Variants in UBR4 observed in about 807,000 individuals in gnomAD.
UBR4 encodes ubiquitin protein ligase E3 component n-recognin 4, also known as E3 ubiquitin-protein ligase UBR4.
A neutral mutation model predicts 575.6 loss-of-function variants in UBR4; 124 were observed. That is an observed-to-expected ratio of 0.22 (90% CI 0.19 to 0.25). The LOEUF (loss-of-function observed/expected upper bound fraction) is 0.25. Ranked by LOEUF, UBR4 falls within the 10% of genes least tolerant of loss-of-function variation. The pLI is 1.00. For synonymous variants in UBR4, 2,455 were observed against 2,473.7 expected, an observed-to-expected ratio of 0.99 and a Z score of 0.22; for missense variants, 4,818 against 6,478.8, an observed-to-expected ratio of 0.74 and a Z score of 8.80.
intron 88 of UBR4, 109 bp downstream of exon 88, chr1:19,101,411 G>A: frequency 7.2e-7 from 1 of 1,388,754 alleles, no homozygotes; most frequent in South Asian, 1.8e-5. Flanking sequence ...TGACTAAGTG[G>A]CCCACAGCTG....
Position 19,172,945 on chromosome 1 carries a change from T to A in UBR4, c.3440A>T (p.Asp1147Val). 1 of 1,614,136 alleles carries A rather than the reference T, an allele frequency of 6.2e-7. No homozygotes were observed. ...EHFSKMAAET[D>V]PHKSSEITKN... ...GGTAATCTCAGACGACTTATGAGGATCAGTCTCAGCAGCCATCTTAGAAAA... is the reference window on the plus strand; with the variant it reads ...GGTAATCTCAGACGACTTATGAGGAACAGTCTCAGCAGCCATCTTAGAAAA... Residue 1147 changes from aspartate to valine, a missense_variant, in exon 25 of 106, where the codon GAT (aspartate) becomes GTT (valine). By Grantham distance (152) the Asp-to-Val change is radical. Around this residue, in one of 29 missense-constraint regions of UBR4, gnomAD observed 1,172 missense variants for 1,259.7 expected, o/e 0.93. Coordinates refer to ENST00000375254, the MANE Select transcript of UBR4 (RefSeq NM_020765.3).
chr1:19,131,617 T>C, intron 60 of UBR4, among the ~76,000 whole-genome samples: 1 of 152,322 alleles, frequency 6.6e-6, no homozygotes, highest in Admixed American at 6.5e-5. Context: ...CTCATGCCTG[T>C]AATCCTAGCA....
In UBR4 at chr1:19,121,338, T is replaced by C. The variant is rs1218515081; in HGVS notation, c.9992A>G (p.Lys3331Arg). ...QLLSCALCGSKVLAALAASSG... is the reference protein window; with the variant it reads ...QLLSCALCGSRVLAALAASSG... ...AGAGGCTGCCAGTGCAGCGAGCACC[T>C]TGCTGCCGCACAGAGCACAGGAGAG... The change falls in exon 68 of 106, where the codon AAG becomes AGG. Residue 3331 changes from lysine to arginine, a missense_variant. Lys to Arg is a conservative substitution (Grantham distance 26). Around this residue, in one of 29 missense-constraint regions of UBR4, gnomAD observed 550 missense variants for 791.5 expected, o/e 0.69. Transcript: ENST00000375254. 2 of 1,614,174 alleles carry C rather than the reference T, an allele frequency of 1.2e-6. No homozygotes were observed. Among genetic ancestry groups the C allele is most frequent in the Middle Eastern group, 1.7e-4 (1 of 6,060 alleles).
chr1:19,112,760 C>T lies in UBR4; in HGVS notation c.11565G>A (p.Gln3855=). Residue 3855 remains glutamine, a synonymous_variant, in exon 78 of 106, where the codon CAG becomes CAA. Coordinates refer to ENST00000375254, the MANE Select transcript of UBR4 (RefSeq NM_020765.3). ...AGCCCAGGACGGATAAGGCACGGTA[C>T]TGGCTGGCAGTGAATGTGGGCTGCA... ...TSVQPTFTAS[Q]YRALSVLGCG... is the part of the protein sequence containing the mutation. 1 of 1,614,218 alleles carries T rather than the reference C, an allele frequency of 6.2e-7. No individual in the cohort carries two copies. The highest frequency in any genetic ancestry group is 8.5e-7 in the Non-Finnish European group (1 of 1,180,030).
chr1:19,156,404 A>C lies in UBR4; in HGVS notation c.5939T>G (p.Phe1980Cys), dbSNP rs1191741324. 6.2e-7 allele frequency: 1 copy of C among 1,614,172 alleles called. No homozygotes were observed. The highest frequency in any genetic ancestry group is 1.7e-5 in the Admixed American group (1 of 60,030). The change falls in exon 42 of 106, where the codon TTT becomes TGT. Residue 1980 changes from phenylalanine (F) to cysteine (C), a missense_variant. Phe to Cys is a radical substitution (Grantham distance 205). Coordinates refer to ENST00000375254, the MANE Select transcript of UBR4 (RefSeq NM_020765.3). The stretch of plus-strand genomic sequence containing the variant: ...ATCCGAAACAGAGCCTGAGCTACTA[A>C]AGGTGAGCACATGACAGTCCTGGAC... ...CGLKDCHVLT[F>C]SSSGSVSDHL...
At chr1:19,078,220 G>T in intron 103 of UBR4, 154 bp from the exon 104 acceptor site, 1 of 695,076 alleles carries the variant, frequency 1.4e-6, no homozygotes, top group Non-Finnish European at 2.4e-6. Flanking sequence ...AAGCAGCTGT[G>T]GGCAAGAACC....
At position 19,167,104 on chromosome 1, in the gene UBR4, A is replaced by G; in HGVS notation, c.4027T>C (p.Ser1343Pro). 1.9e-6 allele frequency: 3 copies of G among 1,614,168 alleles called. No individual in the cohort carries two copies. The highest frequency in any genetic ancestry group is 2.5e-6 in the Non-Finnish European group (3 of 1,180,040). ...SLERILGPAE[S>P]DEFLARVYEK... is the part of the protein sequence containing the mutation. Reference sequence around the variant, plus strand: ...TAAACACGAGCCAAGAACTCATCAGACTCAGCAGGGCCCAAGATGCGTTCC... The same window carrying G: ...TAAACACGAGCCAAGAACTCATCAGGCTCAGCAGGGCCCAAGATGCGTTCC... Residue 1343 changes from serine to proline, a missense_variant, in exon 29 of 106, where the codon TCT (serine) becomes CCT (proline). Transcript: ENST00000375254.
chr1:19,114,675 C>T (rs2080283088), intron 75 of UBR4, 136 bp downstream of exon 75: 1 of 1,143,666 alleles, frequency 8.7e-7, no homozygotes, highest in Admixed American at 2.4e-5. Flanking sequence ...TGCTCCCACC[C>T]AAAAGCTGGG....
At chr1:19,132,644 A>G (rs1343252450) in intron 60 of UBR4, among the ~76,000 whole-genome samples, 1 of 149,692 alleles carries the variant, frequency 6.7e-6, no homozygotes, top group Non-Finnish European at 1.5e-5. Flanking sequence ...AAGAAAGGAA[A>G]TAATAAAAAG....
chr1:19,155,553 A>T lies in UBR4; in HGVS notation c.6188T>A (p.Ile2063Lys). ...FNEEGKNIIVIMSSAGYIYTQ... is the reference protein window; with the variant it reads ...FNEEGKNIIVKMSSAGYIYTQ... ...ATAGATGTACCCAGCCGAAGACATT[A>T]TAACAATGATGTTCTTTCCCTCCTC... Residue 2063 changes from isoleucine (I) to lysine (K), a missense_variant, in exon 43 of 106, where the codon ATA becomes AAA. Around this residue, in one of 29 missense-constraint regions of UBR4, gnomAD observed 461 missense variants for 606.9 expected, o/e 0.76. Coordinates refer to ENST00000375254, the MANE Select transcript of UBR4 (RefSeq NM_020765.3). The T allele has an allele frequency of 6.2e-7, 1 of 1,614,214 alleles. No homozygotes were observed. The highest frequency in any genetic ancestry group is 2.2e-5 in the East Asian group (1 of 44,888).
rs746734026 is a variant in UBR4, at chr1:19,167,084, A to G, written c.4047T>C (p.Arg1349=). The G allele has an allele frequency of 6.8e-6, 11 of 1,614,042 alleles. No homozygotes were observed. Among genetic ancestry groups the G allele is most frequent in the African/African-American group, 2.7e-5 (2 of 74,914 alleles). ...AACCAGTGATCAGCTTCTCATAAACACGAGCCAAGAACTCATCAGACTCAG... is the reference window on the plus strand; with the variant it reads ...AACCAGTGATCAGCTTCTCATAAACGCGAGCCAAGAACTCATCAGACTCAG... ...GPAESDEFLA[R]VYEKLITGCY... The change falls in exon 29 of 106, where the codon CGT becomes CGC. Residue 1349 remains arginine (R), a synonymous_variant. Transcript: ENST00000375254.
At chr1:19,191,323 T>C (rs1310751607) in intron 11 of UBR4, among the ~76,000 whole-genome samples, 1 of 151,924 alleles carries the variant, frequency 6.6e-6, no homozygotes, top group East Asian at 1.9e-4. Flanking sequence ...ATACAAAAAT[T>C]AGCTGGGTGT....
chr1:19,124,639 C>A lies in UBR4; in HGVS notation c.9490G>T (p.Val3164Leu). 6.2e-7 allele frequency: 1 copy of A among 1,614,174 alleles called. No homozygotes were observed. Among genetic ancestry groups the A allele is most frequent in the South Asian group, 1.1e-5 (1 of 91,084 alleles). The change falls in exon 65 of 106, where the codon GTA (valine) becomes TTA (leucine). Residue 3164 changes from valine to leucine, a missense_variant. By Grantham distance (32) the Val-to-Leu change is conservative. Transcript: ENST00000375254. ...TTGATTTGGTAAGGAAGCCTCAGTA[C>A]CATTTCTGTTAGAAGCTGAGTATAG... is the stretch of plus-strand genomic sequence containing the variant. The part of the protein sequence containing the change: ...EAYTQLLTEM[V>L]LRLPYQIKKI...
At chr1:19,201,517 A>C (rs1242584127) in intron 2 of UBR4, among the ~76,000 whole-genome samples, 1 of 152,232 alleles carries the variant, frequency 6.6e-6, no homozygotes, top group Non-Finnish European at 1.5e-5. Context: ...AAGTAGTTTT[A>C]AAATTCCACT....
In UBR4 at chr1:19,197,232, T is replaced by C. The variant is rs746964929; in HGVS notation, c.927A>G (p.Ala309=). 8.1e-6 allele frequency: 13 copies of C among 1,614,184 alleles called. No homozygotes were observed. The South Asian group carries it at 1.4e-4, about 18-fold the overall frequency. Residue 309 remains alanine, a synonymous_variant, in exon 8 of 106, where the codon GCA becomes GCG. Transcript: ENST00000375254. ...ACACAGGTAGAGAAAGGGTATCCAA[T>C]GCCATAGTTACATCAATCACCAATG... is the stretch of plus-strand genomic sequence containing the variant. ...FHSLVIDVTM[A]LDTLSLPVLE...
Position 19,118,919 on chromosome 1 carries a change from C to T in UBR4, c.10494G>A (p.Arg3498=), listed in dbSNP as rs767824639. 1.2e-6 allele frequency: 2 copies of T among 1,614,056 alleles called. No homozygotes were observed. The highest frequency in any genetic ancestry group is 2.7e-5 in the African/African-American group (2 of 74,936). The change falls in exon 71 of 106, where the codon CGG becomes CGA. Residue 3498 remains arginine, a synonymous_variant. Transcript: ENST00000375254. The stretch of plus-strand genomic sequence containing the variant: ...GGTTGGTAAGAATATGGTTTTGAGT[C>T]CGCAGAATCTCCACAGCCTTCTGTG... The part of the protein sequence containing the change: ...EYSQKAVEIL[R]TQNHILTNHP...
In UBR4 at chr1:19,177,476, C is replaced by G; in HGVS notation, c.2622G>C (p.Val874=). 1 of 1,614,062 alleles carries G rather than the reference C, an allele frequency of 6.2e-7. No individual in the cohort carries two copies. ...TGGTCTGTACCTGCTCAAATAGATA[C>G]ACAGGGGCTTTGGAGTACTGATGAA... ...YLLHQYSKAP[V]YLFEQVQHNL... Residue 874 remains valine (V), a synonymous_variant, in exon 19 of 106, where the codon GTG becomes GTC. Transcript: ENST00000375254.
chr1:19,168,965 G>A (rs1012298112), intron 27 of UBR4, among the ~76,000 whole-genome samples: 2 of 139,184 alleles, frequency 1.4e-5, no homozygotes, highest in South Asian at 2.4e-4. Context: ...GTGACAGAGC[G>A]AGACTCCGTC....
intron 29 of UBR4, among the ~76,000 whole-genome samples, chr1:19,166,171 C>G (rs1039642166): frequency 6.6e-6 from 1 of 152,196 alleles, no homozygotes; most frequent in Non-Finnish European, 1.5e-5. Context: ...TACTCAACAA[C>G]GAAGAGACAG....
Sources: gnomAD v4.1 joint callset for allele counts (sites outside exome capture counted in the v4.1 genomes callset) on GRCh38, gnomAD v4.1.1 for gene constraint, gnomAD v4.1.1 regional missense constraint, MANE v1.5 for transcripts, NCBI Gene and HGNC (gene_info 2026-07-23, HGNC 2026-07-21) for gene names.